Variants in DENND4A observed in about 807,000 individuals in gnomAD.
DENND4A encodes the protein C-myc promoter-binding protein.
In DENND4A, 70 loss-of-function variants were observed where a neutral mutation model predicts 199.3. That is an observed-to-expected ratio of 0.35 (90% CI 0.29 to 0.43). DENND4A has a LOEUF of 0.43. Ranked by LOEUF, DENND4A falls within the 20% of genes least tolerant of loss-of-function variation. The probability of loss-of-function intolerance (pLI) is 1.00; values close to 1 mark genes in which losing one functional copy is unlikely to be tolerated. For missense variants in DENND4A, 1,723 were observed against 2,255.8 expected (o/e 0.76, Z 4.78); for synonymous variants, 686 against 766.9 (o/e 0.89, Z 1.74).
intron 1 of DENND4A, among the ~76,000 whole-genome samples, chr15:65,768,855 G>C (rs559407297): frequency 6.6e-6 from 1 of 151,880 alleles, no homozygotes; most frequent in African/African-American, 2.4e-5. Context: ...ATAGCCGGAC[G>C]TGGTGGCGGG....
intron 1 of DENND4A, chr15:65,771,354 C>A (rs2140883219): frequency 6.3e-7 from 1 of 1,591,416 alleles, no homozygotes; most frequent in Non-Finnish European, 8.6e-7. Context: ...TCTTCCTCCA[C>A]ACTCTTTTCT....
At chr15:65,699,818 C>T (rs2077287168) in intron 20 of DENND4A, among the ~76,000 whole-genome samples, 1 of 150,930 alleles carries the variant, frequency 6.6e-6, no homozygotes, top group Non-Finnish European at 1.5e-5. Flanking sequence ...TATCTGGGAG[C>T]ACAGGCATGG....
At chr15:65,699,726 C>T (rs1452653228) in intron 20 of DENND4A, among the ~76,000 whole-genome samples, 1 of 149,840 alleles carries the variant, frequency 6.7e-6, no homozygotes, top group Admixed American at 6.7e-5. Flanking sequence ...GTCACCCAAG[C>T]TGGAGTGCAG....
rs1275436679 is a variant in DENND4A, at chr15:65,717,812, T to C, written c.1773A>G (p.Thr591=). 1 of 1,606,596 alleles carries C rather than the reference T, an allele frequency of 6.2e-7. No individual in the cohort carries two copies. Among genetic ancestry groups the C allele is most frequent in the Non-Finnish European group, 8.5e-7 (1 of 1,176,148 alleles). ...LRPITQAPSE[T]ATDAASLFAL... The stretch of plus-strand genomic sequence containing the variant: ...CAAAGAGAGAGGCTGCATCTGTGGC[T>C]GTCTCAGATGGGGCTTGTGTTATTG... The change falls in exon 13 of 33, where the codon ACA becomes ACG. Residue 591 remains threonine (T), a synonymous_variant. Coordinates refer to ENST00000443035, the MANE Select transcript of DENND4A (RefSeq NM_001320835.1).
chr15:65,733,068 G>A (rs2076008418), intron 7 of DENND4A, among the ~76,000 whole-genome samples: 1 of 152,122 alleles, frequency 6.6e-6, no homozygotes, highest in African/African-American at 2.4e-5. Context: ...TGTCTTAAAA[G>A]TCTGTTTAAC....
At chr15:65,677,406 C>T (rs764779320) in intron 23 of DENND4A, among the ~76,000 whole-genome samples, 55 of 151,958 alleles carry the variant, frequency 3.6e-4, no homozygotes, top group Non-Finnish European at 6.3e-4. Context: ...GACAGGGTTT[C>T]GCTATGCTGG....
intron 27 of DENND4A, 89 bp downstream of exon 27, chr15:65,669,690 T>G: frequency 8.6e-7 from 1 of 1,156,074 alleles, no homozygotes; most frequent in African/African-American, 1.6e-5. Context: ...CATTTAAACC[T>G]GGAAATGGTC....
chr15:65,746,841 G>A (rs1445828714), intron 4 of DENND4A, among the ~76,000 whole-genome samples: 1 of 151,522 alleles, frequency 6.6e-6, no homozygotes, highest in Non-Finnish European at 1.5e-5. Context: ...GGGAGGCCGA[G>A]GCAGGCGGAT....
intron 2 of DENND4A, among the ~76,000 whole-genome samples, chr15:65,761,097 C>T (rs952877600): frequency 1.3e-5 from 2 of 151,982 alleles, no homozygotes; most frequent in Non-Finnish European, 2.9e-5. Flanking sequence ...CACAATAGAA[C>T]GCAGGAAATA....
At chr15:65,731,979 TCATTTAATACCATAATAC>T (rs1226606267) in intron 8 of DENND4A, among the ~76,000 whole-genome samples, 1 of 152,066 alleles carries the variant, frequency 6.6e-6, no homozygotes, top group Non-Finnish European at 1.5e-5. Context: ...ACTAAATTAT[TCATTTAATACCATAATAC>T]CAGGGTCAAA....
chr15:65,767,689 T>C (rs1191611862), intron 1 of DENND4A, among the ~76,000 whole-genome samples: 2 of 152,132 alleles, frequency 1.3e-5, no homozygotes, highest in Non-Finnish European at 2.9e-5. Context: ...GATGTAAACA[T>C]AGAAACACAA....
chr15:65,664,485 A>G, intron 31 of DENND4A, 75 bp downstream of exon 31: 1 of 1,536,284 alleles, frequency 6.5e-7, no homozygotes, highest in South Asian at 1.2e-5. Flanking sequence ...AGCATGAGAT[A>G]TTCTAACAAA....
chr15:65,682,802 T>C (rs1302450590), intron 23 of DENND4A, among the ~76,000 whole-genome samples: 1 of 152,214 alleles, frequency 6.6e-6, no homozygotes, highest in Non-Finnish European at 1.5e-5. Context: ...GGGTTATTAA[T>C]TGGCCTAATT....
intron 32 of DENND4A, 104 bp from the exon 33 acceptor site, chr15:65,662,091 G>T: frequency 1.1e-6 from 1 of 939,414 alleles, no homozygotes; most frequent in Non-Finnish European, 1.6e-6. Context: ...TAGAGGCCAA[G>T]AAGGAATTGC....
At chr15:65,720,947 T>TTTTATATATATATATATATATA (rs1435137020) in intron 12 of DENND4A, among the ~76,000 whole-genome samples, 28 of 76,236 alleles carry the variant, frequency 3.7e-4, no homozygotes, top group African/African-American at 1.4e-3. Flanking sequence ...GTTTCATTGA[T>TTTTATATATATATATATATATA]TATATATATA....
At chr15:65,718,662 A>G (rs941132837) in intron 12 of DENND4A, among the ~76,000 whole-genome samples, 7 of 151,242 alleles carry the variant, frequency 4.6e-5, no homozygotes, top group African/African-American at 9.7e-5. Flanking sequence ...TTCTCTCACC[A>G]TCAAGTGATT....
intron 2 of DENND4A, among the ~76,000 whole-genome samples, chr15:65,757,269 G>A (rs993607795): frequency 3.4e-5 from 5 of 148,708 alleles, no homozygotes; most frequent in South Asian, 4.4e-4. Flanking sequence ...AGATGGGGGG[G>A]GGGGGGTCTC....
chr15:65,758,421 C>G (rs2076769099), intron 2 of DENND4A, among the ~76,000 whole-genome samples: 2 of 152,162 alleles, frequency 1.3e-5, no homozygotes, highest in African/African-American at 4.8e-5. Context: ...TCAAGCAATC[C>G]TCCTGCCTCA....
intron 14 of DENND4A, among the ~76,000 whole-genome samples, chr15:65,709,823 A>C (rs1287412555): frequency 6.7e-6 from 1 of 149,616 alleles, no homozygotes; most frequent in East Asian, 2.0e-4. Context: ...TTAATGCATT[A>C]ATTTTCAGTT....
Sources: gnomAD v4.1 joint callset for allele counts (sites outside exome capture counted in the v4.1 genomes callset) on GRCh38, gnomAD v4.1.1 for gene constraint, MANE v1.5 for transcripts, NCBI Gene and HGNC (gene_info 2026-07-23, HGNC 2026-07-21) for gene names.